The following AOAH variants were observed in gnomAD, a reference collection of about 807,000 sequenced individuals.
AOAH encodes the protein acyloxyacyl hydrolase (neutrophil).
Under a neutral mutation model 92.2 loss-of-function variants are expected in AOAH, and 64 were observed. The observed-to-expected ratio is 0.69, with a 90% CI of 0.57 to 0.86. AOAH has a LOEUF of 0.86. Ranked by LOEUF, AOAH falls within the 40% of genes least tolerant of loss-of-function variation. The pLI, the probability that AOAH is intolerant of heterozygous loss-of-function variation, is 0.00. For missense variants in AOAH, 656 were observed against 694.6 expected, an observed-to-expected ratio of 0.94 and a Z score of 0.62; for synonymous variants, 263 against 254.5, an observed-to-expected ratio of 1.03 and a Z score of -0.32.
At chr7:36,655,141 G>A (rs1794801021) in intron 4 of AOAH, among the ~76,000 whole-genome samples, 1 of 152,164 alleles carries the variant, frequency 6.6e-6, no homozygotes, top group African/African-American at 2.4e-5. Context: ...ATCTTAGTGA[G>A]GAAATCTACG....
intron 6 of AOAH, among the ~76,000 whole-genome samples, chr7:36,630,246 G>T (rs1254496195): frequency 6.6e-6 from 1 of 152,198 alleles, no homozygotes; most frequent in African/African-American, 2.4e-5. Flanking sequence ...CCCAGTTTGT[G>T]GTGTTTTGTA....
intron 4 of AOAH, among the ~76,000 whole-genome samples, chr7:36,649,041 T>C (rs1260656804): frequency 6.6e-6 from 1 of 152,246 alleles, no homozygotes; most frequent in Non-Finnish European, 1.5e-5. Context: ...AGATGCTGTG[T>C]ATATGCTAAG....
chr7:36,596,189 CT>C, intron 11 of AOAH, among the ~76,000 whole-genome samples: 1 of 150,774 alleles, frequency 6.6e-6, no homozygotes, highest in African/African-American at 2.4e-5. Context: ...TCACCTTCCC[CT>C]AAGAGATAAC....
chr7:36,531,797 G>T (rs1350772309), intron 18 of AOAH, among the ~76,000 whole-genome samples: 1 of 152,102 alleles, frequency 6.6e-6, no homozygotes, highest in Non-Finnish European at 1.5e-5. Context: ...ACCTCAATCA[G>T]CTCTCTCCAA....
At chr7:36,590,933 A>G (rs1053660174) in intron 12 of AOAH, among the ~76,000 whole-genome samples, 3 of 152,210 alleles carry the variant, frequency 2.0e-5, no homozygotes, top group Non-Finnish European at 4.4e-5. Flanking sequence ...GCCTAGCACA[A>G]ATTATCTGTG....
At chr7:36,530,392 G>C (rs1247214357) in intron 19 of AOAH, 26 bp downstream of exon 19, 1 of 1,519,332 alleles carries the variant, frequency 6.6e-7, no homozygotes, top group African/African-American at 1.4e-5. Context: ...TTCATCTTCT[G>C]TCAATACCCA....
chr7:36,572,109 T>C (rs1319418511), intron 13 of AOAH, among the ~76,000 whole-genome samples: 1 of 152,190 alleles, frequency 6.6e-6, no homozygotes, highest in Non-Finnish European at 1.5e-5. Flanking sequence ...AATGATCACA[T>C]GTACCCTGAA....
chr7:36,663,808 G>C (rs1008717648), intron 3 of AOAH, among the ~76,000 whole-genome samples: 1 of 152,076 alleles, frequency 6.6e-6, no homozygotes, highest in African/African-American at 2.4e-5. Flanking sequence ...GTTCAATTGG[G>C]TAAATACCCA....
chr7:36,676,710 G>A lies in AOAH; in HGVS notation c.224-2701C>T, dbSNP rs553256070. Among the ~76,000 whole-genome samples, 4 of 152,296 alleles carry A rather than the reference G, an allele frequency of 2.6e-5. No individual in the cohort carries two copies. In the South Asian group the frequency reaches 8.3e-4, roughly 32 times the overall value. ...ACATTGGGAAACAATTTCAAAGCTA[G>A]ACAGCTACTGTAATCAAGATAGCAT... On this transcript the variant is annotated intron_variant, in intron 2 of 20. Transcript: ENST00000617537.
At chr7:36,599,394 G>C (rs1214331990) in intron 11 of AOAH, among the ~76,000 whole-genome samples, 1 of 152,158 alleles carries the variant, frequency 6.6e-6, no homozygotes, top group African/African-American at 2.4e-5. Flanking sequence ...AGTATCCTCA[G>C]TGCCTTTCCT....
intron 11 of AOAH, among the ~76,000 whole-genome samples, chr7:36,601,839 T>C (rs971160816): frequency 6.6e-6 from 1 of 152,156 alleles, no homozygotes; most frequent in Non-Finnish European, 1.5e-5. Context: ...GGGAAATAGT[T>C]CCAGTATTGC....
intron 9 of AOAH, among the ~76,000 whole-genome samples, chr7:36,620,492 C>A (rs1389307643): frequency 6.6e-6 from 1 of 152,158 alleles, no homozygotes; most frequent in African/African-American, 2.4e-5. Flanking sequence ...TTTGTTAACA[C>A]CACTCTTCAT....
At chr7:36,717,168 T>A (rs1186782737) in intron 1 of AOAH, among the ~76,000 whole-genome samples, 1 of 152,112 alleles carries the variant, frequency 6.6e-6, no homozygotes, top group South Asian at 2.1e-4. Context: ...CGTCCTCAGG[T>A]CTTCTGGTTA....
At chr7:36,640,848 G>C (rs918004991) in intron 4 of AOAH, among the ~76,000 whole-genome samples, 1 of 152,168 alleles carries the variant, frequency 6.6e-6, no homozygotes, top group African/African-American at 2.4e-5. Flanking sequence ...CAGCCTGGCC[G>C]ACTTGAAGCC....
At chr7:36,715,982 A>C (rs907311303) in intron 1 of AOAH, among the ~76,000 whole-genome samples, 1 of 152,014 alleles carries the variant, frequency 6.6e-6, no homozygotes, top group Non-Finnish European at 1.5e-5. Flanking sequence ...AATGGGATCT[A>C]ATTAAACTAA....
intron 4 of AOAH, among the ~76,000 whole-genome samples, chr7:36,641,100 A>C (rs1314505461): frequency 1.3e-5 from 2 of 152,092 alleles, no homozygotes; most frequent in East Asian, 3.9e-4. Context: ...CATCCTCCCT[A>C]CTTTACAGCG....
At chr7:36,659,294 T>C (rs752628755) in intron 3 of AOAH, 29 bp from the exon 4 acceptor site, 3 of 1,552,856 alleles carry the variant, frequency 1.9e-6, no homozygotes, top group Non-Finnish European at 8.9e-7. Flanking sequence ...AAACAAAGGC[T>C]ATTCAGATCT....
At chr7:36,661,848 G>A (rs1795230844) in intron 3 of AOAH, among the ~76,000 whole-genome samples, 1 of 152,082 alleles carries the variant, frequency 6.6e-6, no homozygotes, top group African/African-American at 2.4e-5. Flanking sequence ...ACTCAATTGG[G>A]TTTGGTCTGC....
Position 36,724,166 on chromosome 7 carries a change from C to G in AOAH, c.-18G>C, listed in dbSNP as rs1799831586. On this transcript the variant is annotated 5_prime_UTR_variant, in exon 1 of 21. Transcript: ENST00000617537. Reference sequence around the variant, plus strand: ...GACTGCATCTCCGAGCTATGCACCCCAAGTGATCACCCGGCTTTGGAAGCT... The same window carrying G: ...GACTGCATCTCCGAGCTATGCACCCGAAGTGATCACCCGGCTTTGGAAGCT... 1.2e-6 allele frequency: 2 copies of G among 1,611,094 alleles called. No homozygotes were observed. Among genetic ancestry groups the G allele is most frequent in the African/African-American group, 1.3e-5 (1 of 74,794 alleles).
Sources: gnomAD v4.1 joint callset for allele counts (sites outside exome capture counted in the v4.1 genomes callset) on GRCh38, gnomAD v4.1.1 for gene constraint, MANE v1.5 for transcripts, NCBI Gene and HGNC (gene_info 2026-07-23, HGNC 2026-07-21) for gene names.